Variants in TNR observed in about 807,000 individuals in gnomAD.
TNR encodes tenascin-R.
A neutral mutation model predicts 150.4 loss-of-function variants in TNR; 45 were observed. The ratio of observed to expected loss-of-function variants is 0.30; its 90% CI spans 0.24 to 0.38. TNR has a LOEUF of 0.38. TNR is among the 10% of genes least tolerant of loss of function. The pLI is 1.00. For synonymous variants in TNR, 687 were observed against 678.4 expected (o/e 1.01, Z -0.20); for missense variants, 1,544 against 1,759.1 (o/e 0.88, Z 2.19).
At chr1:175,532,614 ATTTATT>A (rs1660116281) in intron 1 of TNR, among the ~76,000 whole-genome samples, 1 of 152,182 alleles carries the variant, frequency 6.6e-6, no homozygotes, top group South Asian at 2.1e-4. Flanking sequence ...AATAATAAAC[ATTTATT>A]ATCTCATAAT....
chr1:175,594,535 T>C (rs1330883076), intron 1 of TNR, among the ~76,000 whole-genome samples: 1 of 152,198 alleles, frequency 6.6e-6, no homozygotes, highest in Non-Finnish European at 1.5e-5. Flanking sequence ...ACATATATAA[T>C]ATTAATCTTT....
At chr1:175,576,380 G>A (rs995027358) in intron 1 of TNR, among the ~76,000 whole-genome samples, 8 of 152,216 alleles carry the variant, frequency 5.3e-5, no homozygotes, top group Admixed American at 1.3e-4. Context: ...ATTTCCGGGC[G>A]CTGGTGGGTG....
intron 1 of TNR, among the ~76,000 whole-genome samples, chr1:175,591,453 C>A (rs1662794182): frequency 6.6e-6 from 1 of 152,234 alleles, no homozygotes; most frequent in African/African-American, 2.4e-5. Context: ...CCAGCCATGG[C>A]TCCTTCAGCA....
intron 3 of TNR, among the ~76,000 whole-genome samples, chr1:175,405,601 G>C (rs1653908875): frequency 7.4e-6 from 1 of 134,520 alleles, no homozygotes; most frequent in Non-Finnish European, 1.6e-5. Context: ...GTGAGAGAGA[G>C]AGTATGTGTG....
At position 175,360,587 on chromosome 1, in the gene TNR, C is replaced by T. The variant is rs147507647; in HGVS notation, c.2855-856G>A. On this transcript the variant is annotated intron_variant, in intron 14 of 22. Transcript: ENST00000367674. ...ACAACAGTTTAGTTATCAGCTCAAC[C>T]CAAGTGTCATAAAATTTACTTTTGA... is the stretch of plus-strand genomic sequence containing the variant. Among the ~76,000 whole-genome samples the T allele has an allele frequency of 2.2e-3, 331 of 152,270 alleles. 1 individual carries two copies. The Middle Eastern group carries it at 0.044, about 20-fold the overall frequency.
intron 5 of TNR, among the ~76,000 whole-genome samples, chr1:175,396,109 A>G (rs1462535777): frequency 6.6e-6 from 1 of 152,192 alleles, no homozygotes; most frequent in Non-Finnish European, 1.5e-5. Context: ...GTTTTAAATA[A>G]GATTTTTTTC....
At chr1:175,532,720 C>A (rs1426597826) in intron 1 of TNR, among the ~76,000 whole-genome samples, 2 of 152,176 alleles carry the variant, frequency 1.3e-5, no homozygotes, top group Non-Finnish European at 2.9e-5. Context: ...TTGAAGGTTG[C>A]AGTCTTCAAC....
intron 1 of TNR, among the ~76,000 whole-genome samples, chr1:175,559,070 T>C (rs1303199753): frequency 6.6e-6 from 1 of 152,172 alleles, no homozygotes; most frequent in Non-Finnish European, 1.5e-5. Flanking sequence ...GCTGTGAACC[T>C]AAAACCACTC....
chr1:175,724,073 A>T (rs1410643071), intron 1 of TNR, among the ~76,000 whole-genome samples: 9 of 152,218 alleles, frequency 5.9e-5, no homozygotes, highest in Admixed American at 5.9e-4. Flanking sequence ...TGAGGAGATT[A>T]TTACCATTAA....
At chr1:175,510,282 C>T (rs192308484) in intron 2 of TNR, among the ~76,000 whole-genome samples, 2 of 152,148 alleles carry the variant, frequency 1.3e-5, no homozygotes, top group African/African-American at 4.8e-5. Flanking sequence ...CTTCTAAGTC[C>T]AGGGACTTTA....
chr1:175,709,894 G>A (rs1666953084), intron 1 of TNR, among the ~76,000 whole-genome samples: 1 of 151,972 alleles, frequency 6.6e-6, no homozygotes, highest in Non-Finnish European at 1.5e-5. Context: ...ACTATCAGGT[G>A]AGGCCAACAT....
chr1:175,381,429 T>C (rs2102027211), intron 8 of TNR, among the ~76,000 whole-genome samples: 1 of 152,332 alleles, frequency 6.6e-6, no homozygotes, highest in East Asian at 1.9e-4. Context: ...ATAGGGGTTG[T>C]GGTCTGTAGA....
At position 175,323,131 on chromosome 1, in the gene TNR, G is replaced by A. The variant is rs968187882; in HGVS notation, c.*226C>T. ...CTCCTTGGTGGGAAAGGAGGTGAAG[G>A]TTGAGGAGGCCTGGGTAGGAGGGAG... On this transcript the variant is annotated 3_prime_UTR_variant, in exon 23 of 23. Coordinates refer to ENST00000367674, the MANE Select transcript of TNR (RefSeq NM_003285.3). The A allele has an allele frequency of 2.1e-6, 1 of 466,268 alleles. No individual in the cohort carries two copies. The highest frequency in any genetic ancestry group is 3.7e-6 in the Non-Finnish European group (1 of 270,624). 28.9% of individuals were successfully genotyped at this position (466,268 alleles called of 1,614,324 possible). A position where few individuals can be genotyped will look rare whatever the true frequency, so the allele number is the denominator to read the frequency against.
chr1:175,716,370 ATC>A (rs1323113974), intron 1 of TNR, among the ~76,000 whole-genome samples: 2 of 151,996 alleles, frequency 1.3e-5, no homozygotes, highest in African/African-American at 4.8e-5. Context: ...CTCCTCCCAC[ATC>A]TGTCTCCCCT....
intron 1 of TNR, among the ~76,000 whole-genome samples, chr1:175,644,279 G>A (rs941183335): frequency 3.9e-5 from 6 of 152,164 alleles, no homozygotes; most frequent in African/African-American, 1.4e-4. Context: ...TGAGGTAGCT[G>A]GTCTCAGTTT....
chr1:175,717,651 C>T (rs976643784), intron 1 of TNR, among the ~76,000 whole-genome samples: 2 of 152,302 alleles, frequency 1.3e-5, no homozygotes, highest in Non-Finnish European at 2.9e-5. Flanking sequence ...GGTGTGGGAC[C>T]TGAGGTCATG....
chr1:175,651,578 G>C (rs1664998741), intron 1 of TNR, among the ~76,000 whole-genome samples: 1 of 151,862 alleles, frequency 6.6e-6, no homozygotes, highest in Non-Finnish European at 1.5e-5. Context: ...TATTATAATG[G>C]TAATTGAAGA....
chr1:175,330,269 GC>G (rs1557866626), intron 20 of TNR, 34 bp from the exon 21 acceptor site: 1 of 1,464,300 alleles, frequency 6.8e-7, no homozygotes, highest in Non-Finnish European at 9.2e-7. Context: ...ACTGAGACTG[GC>G]CCCCAGCAGC....
Position 175,356,319 on chromosome 1 carries a change from G to A in TNR, c.3118C>T (p.Leu1040Phe), listed in dbSNP as rs146606650. The A allele has an allele frequency of 3.3e-5, 53 of 1,613,976 alleles. No individual in the cohort carries two copies. The highest frequency in any genetic ancestry group is 4.2e-5 in the Non-Finnish European group (49 of 1,179,902). Residue 1040 changes from leucine (L) to phenylalanine (F), a missense_variant and splice_region_variant, in exon 16 of 23, where the codon CTC (leucine) becomes TTC (phenylalanine). Coordinates refer to ENST00000367674, the MANE Select transcript of TNR (RefSeq NM_003285.3). ...SGTISTNFST[L>F]LDPPANLTAS... Reference sequence around the variant, plus strand: ...GGTATGTAGGTGACCATGTACTCACGAGTAGAAAAGTTGGTGCTGATGGTG... The same window carrying A: ...GGTATGTAGGTGACCATGTACTCACAAGTAGAAAAGTTGGTGCTGATGGTG...
Sources: gnomAD v4.1 joint callset for allele counts (sites outside exome capture counted in the v4.1 genomes callset) on GRCh38, gnomAD v4.1.1 for gene constraint, MANE v1.5 for transcripts, NCBI Gene and HGNC (gene_info 2026-07-23, HGNC 2026-07-21) for gene names.